RUBCNL: variants seen among roughly 807,000 people sequenced by gnomAD.
The protein encoded by RUBCNL is rubicon like autophagy enhancer, also known as protein associated with UVRAG as autophagy enhancer.
Under a neutral mutation model 69.5 loss-of-function variants are expected in RUBCNL, and 62 were observed. That is an observed-to-expected ratio of 0.89 (90% confidence interval 0.73 to 1.10). RUBCNL has a LOEUF of 1.10. RUBCNL is among the 50% of genes least tolerant of loss of function. The pLI is 0.00. For synonymous variants in RUBCNL, 291 were observed against 303.6 expected, an observed-to-expected ratio of 0.96 and a Z score of 0.43; for missense variants, 768 against 798.1, an observed-to-expected ratio of 0.96 and a Z score of 0.45.
At chr13:46,369,294 G>T (rs115876116) in intron 3 of RUBCNL, among the ~76,000 whole-genome samples, 1 of 152,084 alleles carries the variant, frequency 6.6e-6, no homozygotes, top group Non-Finnish European at 1.5e-5. Context: ...ACTTTAGTGC[G>T]GCTTCAACCT....
At position 46,359,483 on chromosome 13, in the gene RUBCNL, T is replaced by TA. The variant is rs764394756; in HGVS notation, c.1265+2dup. ...GGAGGCCCAAGCAACAGCCCATACT[T>TA]ACTTGAGTGGTGGATGAATATTAAA... On this transcript the variant is annotated splice_region_variant and intron_variant, in intron 9 of 14. Coordinates refer to ENST00000429979, the MANE Select transcript of RUBCNL (RefSeq NM_025113.5). 4 of 1,604,084 alleles carry TA rather than the reference T, an allele frequency of 2.5e-6. No homozygotes were observed. The highest frequency in any genetic ancestry group is 2.6e-6 in the Non-Finnish European group (3 of 1,175,318).
At chr13:46,368,626 A>G (rs1191223677) in intron 4 of RUBCNL, 107 bp downstream of exon 4, 2 of 1,307,840 alleles carry the variant, frequency 1.5e-6, no homozygotes, top group African/African-American at 1.5e-5. Flanking sequence ...CTGAAAGGAA[A>G]CCTATTTGTA....
intron 2 of RUBCNL, among the ~76,000 whole-genome samples, chr13:46,374,032 T>C (rs1041495888): frequency 3.3e-5 from 5 of 152,256 alleles, no homozygotes; most frequent in African/African-American, 1.2e-4. Flanking sequence ...TTTATAGCTA[T>C]AGCTGCTGTC....
At chr13:46,384,431 A>G (rs1011075062) in intron 1 of RUBCNL, among the ~76,000 whole-genome samples, 9 of 152,206 alleles carry the variant, frequency 5.9e-5, no homozygotes, top group Non-Finnish European at 8.8e-5. Flanking sequence ...TTTGAATACA[A>G]TTCTTCTTAT....
At chr13:46,365,664 A>G (rs747630959) in intron 5 of RUBCNL, among the ~76,000 whole-genome samples, 1 of 152,154 alleles carries the variant, frequency 6.6e-6, no homozygotes, top group Non-Finnish European at 1.5e-5. Context: ...CATGGGGGGA[A>G]ATGTCTGCCA....
chr13:46,343,287 A>G lies in RUBCNL; in HGVS notation c.*98T>C. On this transcript the variant is annotated 3_prime_UTR_variant, in exon 15 of 15. Coordinates refer to ENST00000429979, the MANE Select transcript of RUBCNL (RefSeq NM_025113.5). ...TATAGACCATCTTTTTCCTTAATAT[A>G]CAATACCCAATATCTAAAACAATGT... 1 of 1,534,798 alleles carries G rather than the reference A, an allele frequency of 6.5e-7. No individual in the cohort carries two copies. Among genetic ancestry groups the G allele is most frequent in the Non-Finnish European group, 8.8e-7 (1 of 1,131,322 alleles).
At chr13:46,368,333 C>A in intron 4 of RUBCNL, 84 bp from the exon 5 acceptor site, 2 of 1,456,068 alleles carry the variant, frequency 1.4e-6, no homozygotes, top group Non-Finnish European at 9.3e-7. Flanking sequence ...TCAATATGCT[C>A]TATTTAAGTG....
At position 46,341,364 on chromosome 13, in the gene RUBCNL, G is replaced by T. The variant is rs2048140811; in HGVS notation, c.*2021C>A. Among the ~76,000 whole-genome samples the T allele has an allele frequency of 1.3e-5, 2 of 152,168 alleles. No individual in the cohort carries two copies. Among genetic ancestry groups the T allele is most frequent in the Non-Finnish European group, 2.9e-5 (2 of 68,026 alleles). ...CCACAACTAATTACTTCCTTATGGGGTGCTCCATGTGGGCTGAAGATCACT... is the reference window on the plus strand; with the variant it reads ...CCACAACTAATTACTTCCTTATGGGTTGCTCCATGTGGGCTGAAGATCACT... On this transcript the variant is annotated 3_prime_UTR_variant, in exon 15 of 15. Transcript: ENST00000429979.
chr13:46,357,791 G>A (rs534453417), intron 9 of RUBCNL, among the ~76,000 whole-genome samples: 6 of 151,934 alleles, frequency 3.9e-5, no homozygotes, highest in East Asian at 1.9e-4. Context: ...CACCATGCCC[G>A]GCTAATTTTT....
chr13:46,349,296 A>T lies in RUBCNL; in HGVS notation c.1621T>A (p.Phe541Ile). 6.2e-7 allele frequency: 1 copy of T among 1,613,614 alleles called. No homozygotes were observed. Among genetic ancestry groups the T allele is most frequent in the African/African-American group, 1.3e-5 (1 of 75,030 alleles). The part of the protein sequence containing the change: ...HIKKLLKTCR[F>I]ANSALKEFEQ... ...AGCTGAGAATAGTACCTGTTAGCAA[A>T]CCTACAGGTCTTCAACAGCTTCTTG... Residue 541 changes from phenylalanine (F) to isoleucine (I), a missense_variant, in exon 12 of 15, where the codon TTT becomes ATT. Transcript: ENST00000429979.
chr13:46,337,373 G>A lies in RUBCNL; in HGVS notation c.*6012C>T, dbSNP rs556576652. On this transcript the variant is annotated 3_prime_UTR_variant, in exon 15 of 15. Coordinates refer to ENST00000429979, the MANE Select transcript of RUBCNL (RefSeq NM_025113.5). ...AGGATGGTCTCAATCTCCTGACCTC[G>A]TGATATGCCTGTCTCAGCCTGAGGC... 3.9e-4 allele frequency among the ~76,000 whole-genome samples: 59 copies of A among 152,134 alleles called. 2 individuals carry two copies. Among genetic ancestry groups the A allele is most frequent in the African/African-American group, 1.4e-3 (57 of 41,502 alleles).
intron 12 of RUBCNL, among the ~76,000 whole-genome samples, chr13:46,348,075 G>T (rs2048287323): frequency 6.6e-6 from 1 of 152,184 alleles, no homozygotes; most frequent in South Asian, 2.1e-4. Flanking sequence ...AAACAAGCCA[G>T]TCACAAAAAG....
In RUBCNL at chr13:46,334,946, T is replaced by C. The variant is rs974407765; in HGVS notation, c.*8439A>G. 2.6e-5 allele frequency among the ~76,000 whole-genome samples: 4 copies of C among 152,016 alleles called. No homozygotes were observed. The highest frequency in any genetic ancestry group is 2.0e-4 in the Admixed American group (3 of 15,266). ...ACCCCAAAGGAAAGTGGGGGAAGATTTGGGGGTATACTAAGGGCAAGAGGA... is the reference window on the plus strand; with the variant it reads ...ACCCCAAAGGAAAGTGGGGGAAGATCTGGGGGTATACTAAGGGCAAGAGGA... On this transcript the variant is annotated 3_prime_UTR_variant, in exon 15 of 15. Transcript: ENST00000429979.
upstream of RUBCNL, chr13:46,387,934 G>T: frequency 1.2e-6 from 1 of 854,550 alleles, no homozygotes; most frequent in Non-Finnish European, 1.4e-6. Context: ...CTGGCCGGGT[G>T]CGGTGGTTCA....
At chr13:46,351,199 A>T (rs2048362033) in intron 10 of RUBCNL, among the ~76,000 whole-genome samples, 1 of 152,188 alleles carries the variant, frequency 6.6e-6, no homozygotes, top group African/African-American at 2.4e-5. Flanking sequence ...TGGAGGCTAC[A>T]GTGAGCCATC....
chr13:46,361,614 T>A lies in RUBCNL; in HGVS notation c.987-41A>T, dbSNP rs1022365132. On this transcript the variant is annotated intron_variant, in intron 7 of 14. Transcript: ENST00000429979. ...TGCAAATACTGGAAAACTATATTCA[T>A]GAGGAGTATGTTCAGGGTCTTCCTG... The A allele has an allele frequency of 1.9e-6, 3 of 1,554,132 alleles. No homozygotes were observed. In the East Asian group the frequency reaches 7.2e-5, roughly 37 times the overall value.
intron 6 of RUBCNL, among the ~76,000 whole-genome samples, 154 bp downstream of exon 6, chr13:46,362,961 T>TATATATATATATATAG (rs2048662500): frequency 8.0e-6 from 1 of 125,540 alleles, no homozygotes; most frequent in Non-Finnish European, 1.6e-5. Flanking sequence ...TATATATATA[T>TATATATATATATATAG]ATATATATAT....
intron 9 of RUBCNL, 34 bp downstream of exon 9, chr13:46,359,452 T>C (rs575097373): frequency 1.9e-6 from 3 of 1,587,728 alleles, no homozygotes; most frequent in Non-Finnish European, 2.6e-6. Context: ...GTGATTTAAA[T>C]GGATTGGAGG....
intron 8 of RUBCNL, 38 bp from the exon 9 acceptor site, chr13:46,359,669 C>T: frequency 4.1e-6 from 6 of 1,478,796 alleles, no homozygotes; most frequent in Non-Finnish European, 5.4e-6. Flanking sequence ...ACAACTTAAG[C>T]ATATTTCAAA....
Sources: gnomAD v4.1 joint callset for allele counts (sites outside exome capture counted in the v4.1 genomes callset) on GRCh38, gnomAD v4.1.1 for gene constraint, MANE v1.5 for transcripts, NCBI Gene and HGNC (gene_info 2026-07-23, HGNC 2026-07-21) for gene names.